FARS2: variants seen among roughly 807,000 people sequenced by gnomAD.
FARS2 encodes phenylalanyl-tRNA synthetase 2, mitochondrial.
Under a neutral mutation model 46.4 loss-of-function variants are expected in FARS2, and 40 were observed. The ratio of observed to expected loss-of-function variants is 0.86; its 90% CI spans 0.67 to 1.12. The LOEUF (loss-of-function observed/expected upper bound fraction) is 1.12, where lower values mean the gene tolerates loss of function less well. Among genes scored for constraint, FARS2 ranks in the 50% most tolerant of loss-of-function variants. The pLI is 0.00. For synonymous variants in FARS2, 234 were observed against 214.9 expected (o/e 1.09, Z -0.78); for missense variants, 513 against 567.9 (o/e 0.90, Z 0.98).
At chr6:5,671,171 T>G (rs1387392659) in intron 6 of FARS2, among the ~76,000 whole-genome samples, 7 of 152,252 alleles carry the variant, frequency 4.6e-5, no homozygotes, top group Non-Finnish European at 1.0e-4. Context: ...ATGTTTATTA[T>G]AGTTAAATTT....
chr6:5,431,671 G>A (rs1252794171), intron 4 of FARS2: 3 of 532,910 alleles, frequency 5.6e-6, no homozygotes, highest in Non-Finnish European at 1.2e-5. Flanking sequence ...CTGCATAGGC[G>A]GCGCCACCTG....
At chr6:5,473,395 C>G (rs941119182) in intron 4 of FARS2, among the ~76,000 whole-genome samples, 22 of 152,040 alleles carry the variant, frequency 1.4e-4, no homozygotes, top group Admixed American at 9.2e-4. Context: ...GGAATGGTGG[C>G]GTGTGCCTGT....
intron 4 of FARS2, among the ~76,000 whole-genome samples, chr6:5,540,294 T>C (rs1770541470): frequency 6.6e-6 from 1 of 152,240 alleles, no homozygotes; most frequent in African/African-American, 2.4e-5. Flanking sequence ...AGATTTACCT[T>C]TTAGATGGTA....
intron 6 of FARS2, among the ~76,000 whole-genome samples, chr6:5,729,377 A>G (rs1307958089): frequency 6.6e-6 from 1 of 152,138 alleles, no homozygotes; most frequent in Non-Finnish European, 1.5e-5. Context: ...CGAGGCTCAG[A>G]GCCTGCCCCT....
intron 6 of FARS2, among the ~76,000 whole-genome samples, chr6:5,668,762 C>T (rs1778286595): frequency 7.4e-6 from 1 of 136,020 alleles, no homozygotes; most frequent in Non-Finnish European, 1.5e-5. Context: ...GACGTGATCT[C>T]GACTCACTGC....
rs77054324 is a variant in FARS2 at position 5,648,599 on chromosome 6, C to T, written c.1217+35279C>T. 2.3e-3 allele frequency among the ~76,000 whole-genome samples: 348 copies of T among 152,156 alleles called. 3 individuals are homozygous for T. The highest frequency in any genetic ancestry group is 8.0e-3 in the African/African-American group (331 of 41,526). ...GGTTCCTATTTCATGAGCCTCAGAG[C>T]TCCTTCACTTCCTTCTGATGCTTTC... is the stretch of plus-strand genomic sequence containing the variant. On this transcript the variant is annotated intron_variant, in intron 6 of 6. Coordinates refer to ENST00000274680, the MANE Select transcript of FARS2 (RefSeq NM_006567.5).
At chr6:5,340,626 A>T (rs79023889) in intron 1 of FARS2, among the ~76,000 whole-genome samples, 1,809 of 152,322 alleles carry the variant, frequency 0.012, 25 homozygotes, top group African/African-American at 0.041. Context: ...CAACAGTGCC[A>T]TAGGTGATAC....
In FARS2 at chr6:5,309,472, G is replaced by GA. The variant is rs557586294; in HGVS notation, c.-22+47814dup. 3.0e-4 allele frequency among the ~76,000 whole-genome samples: 46 copies of GA among 152,270 alleles called. 1 individual carries two copies. In the South Asian group the frequency reaches 8.9e-3, roughly 30 times the overall value. The stretch of plus-strand genomic sequence containing the variant: ...TAACATCCTGATGCAGATTTGAAAT[G>GA]AATTTCCCTGATGACATGGTGCCTC... On this transcript the variant is annotated intron_variant, in intron 1 of 6. Coordinates refer to ENST00000274680, the MANE Select transcript of FARS2 (RefSeq NM_006567.5).
intron 6 of FARS2, among the ~76,000 whole-genome samples, chr6:5,659,028 G>A (rs143518037): frequency 2.0e-3 from 304 of 152,248 alleles, no homozygotes; most frequent in Middle Eastern, 6.8e-3. Flanking sequence ...CCCAGTGCCC[G>A]CGTTGGACTA....
chr6:5,290,645 C>T (rs183911878), intron 1 of FARS2, among the ~76,000 whole-genome samples: 1 of 152,276 alleles, frequency 6.6e-6, no homozygotes, highest in East Asian at 1.9e-4. Flanking sequence ...TGAGCTCAAC[C>T]TTAGTTGGTA....
chr6:5,423,685 G>A (rs1762688549), intron 3 of FARS2, among the ~76,000 whole-genome samples: 1 of 152,164 alleles, frequency 6.6e-6, no homozygotes, highest in African/African-American at 2.4e-5. Context: ...CTGTGAGAGG[G>A]AAGAGGTGGT....
At chr6:5,730,134 G>A (rs1263076287) in intron 6 of FARS2, among the ~76,000 whole-genome samples, 2 of 152,190 alleles carry the variant, frequency 1.3e-5, no homozygotes, top group Non-Finnish European at 2.9e-5. Flanking sequence ...TTTAATAATT[G>A]TTCATTTATT....
chr6:5,724,294 G>A (rs1235391438), intron 6 of FARS2, among the ~76,000 whole-genome samples: 1 of 152,382 alleles, frequency 6.6e-6, no homozygotes, highest in Non-Finnish European at 1.5e-5. Flanking sequence ...CCAGGATGAA[G>A]AGGAGCTAGC....
chr6:5,394,776 T>G (rs2503817), intron 2 of FARS2, among the ~76,000 whole-genome samples: 6 of 150,638 alleles, frequency 4.0e-5, no homozygotes, highest in African/African-American at 1.5e-4. Flanking sequence ...TGTTTTTTTT[T>G]AAAAAAAAAG....
rs188758865 is a variant in FARS2 at position 5,311,927 on chromosome 6, T to C, written c.-22+50267T>C. ...CTCAAGTGAATTTGCCCATTGTAGG[T>C]TTGTCTGGGGGAGTGTAAGTTAGTT... On this transcript the variant is annotated intron_variant, in intron 1 of 6. Transcript: ENST00000274680. This position sits in a 1 kb window ranked among gnomAD's most constrained non-coding sequence, Gnocchi z 4.1. Among the ~76,000 whole-genome samples the C allele has an allele frequency of 6.4e-4, 98 of 152,266 alleles. No homozygotes were observed. The highest frequency in any genetic ancestry group is 2.4e-3 in the African/African-American group (98 of 41,550).
At chr6:5,738,774 G>GGA (rs1554130784) in intron 6 of FARS2, among the ~76,000 whole-genome samples, 10 of 148,764 alleles carry the variant, frequency 6.7e-5, no homozygotes, top group South Asian at 2.2e-4. Flanking sequence ...CATACATTTA[G>GGA]AAAAAAAAAA....
At chr6:5,730,495 A>C (rs1042325437) in intron 6 of FARS2, among the ~76,000 whole-genome samples, 1 of 151,818 alleles carries the variant, frequency 6.6e-6, no homozygotes, top group Non-Finnish European at 1.5e-5. Context: ...TATGTAGAAA[A>C]AGGATTTTCT....
chr6:5,564,725 T>C (rs181138654), intron 5 of FARS2, among the ~76,000 whole-genome samples: 6 of 152,350 alleles, frequency 3.9e-5, no homozygotes, highest in African/African-American at 1.4e-4. Flanking sequence ...GAATTTCACA[T>C]AAGACTTCTA....
intron 1 of FARS2, among the ~76,000 whole-genome samples, chr6:5,263,783 C>T (rs1312350822): frequency 1.3e-5 from 2 of 152,128 alleles, no homozygotes; most frequent in African/African-American, 2.4e-5. Context: ...TGTTAATGAC[C>T]ACTTAATGCT....
Sources: allele counts gnomAD v4.1 joint callset (sites outside exome capture counted in the v4.1 genomes callset), GRCh38; gene constraint gnomAD v4.1.1; non-coding constraint Gnocchi (gnomAD v3.1); transcripts MANE v1.5; gene names NCBI Gene and HGNC (gene_info 2026-07-23, HGNC 2026-07-21).